Variants in CDH13 observed in about 807,000 individuals in gnomAD.
CDH13 encodes cadherin-13.
CDH13 carries 24 observed loss-of-function variants against 63.8 expected under a neutral mutation model. That is an observed-to-expected ratio of 0.38 (90% confidence interval 0.27 to 0.53). CDH13 has a LOEUF of 0.53. Among genes scored for constraint, CDH13 ranks in the 20% least tolerant of loss-of-function variants. The probability of loss-of-function intolerance (pLI) is 0.85; values close to 1 mark genes in which losing one functional copy is unlikely to be tolerated. For missense variants in CDH13, 1,049 were observed against 903.1 expected (o/e 1.16, Z -2.07); for synonymous variants, 503 against 355.3 (o/e 1.42, Z -4.67).
chr16:83,207,465 CACAT>C (rs1477282191), intron 4 of CDH13, among the ~76,000 whole-genome samples: 1 of 152,202 alleles, frequency 6.6e-6, no homozygotes, highest in Non-Finnish European at 1.5e-5. Context: ...CACATGTAGA[CACAT>C]ACAATCTTTA....
At chr16:83,487,099 A>G (rs2073906859) in intron 7 of CDH13, among the ~76,000 whole-genome samples, 1 of 152,088 alleles carries the variant, frequency 6.6e-6, no homozygotes. Flanking sequence ...TGCTGCAGGC[A>G]TCCTGCATTC....
chr16:83,353,589 C>T lies in CDH13; in HGVS notation c.781+8583C>T, dbSNP rs544061925. ...GAATAACTGTGAAAACAACTCTTTT[C>T]ATTTTTATTTATAGCTCTCTCTCCC... is the stretch of plus-strand genomic sequence containing the variant. On this transcript the variant is annotated intron_variant, in intron 6 of 13. Coordinates refer to ENST00000567109, the MANE Select transcript of CDH13 (RefSeq NM_001257.5). Among the ~76,000 whole-genome samples, 3 of 152,354 alleles carry T rather than the reference C, an allele frequency of 2.0e-5. No homozygotes were observed. In the South Asian group the frequency reaches 6.2e-4, roughly 32 times the overall value.
Position 83,082,593 on chromosome 16 carries a change from A to G in CDH13, c.367-42792A>G, listed in dbSNP as rs142715439. On this transcript the variant is annotated intron_variant, in intron 3 of 13. Coordinates refer to ENST00000567109, the MANE Select transcript of CDH13 (RefSeq NM_001257.5). ...GAGGCAGAGGTTGCAGTGAGCCAAG[A>G]CCATCGTGCCACTGCATTCCAGCCT... Among the ~76,000 whole-genome samples the G allele has an allele frequency of 6.7e-3, 1,023 of 152,250 alleles. 11 individuals are homozygous for G. Among genetic ancestry groups the G allele is most frequent in the African/African-American group, 0.022 (906 of 41,554 alleles).
intron 5 of CDH13, among the ~76,000 whole-genome samples, chr16:83,318,663 C>T (rs2090156768): frequency 6.6e-6 from 1 of 152,138 alleles, no homozygotes; most frequent in Non-Finnish European, 1.5e-5. Flanking sequence ...GTGCACCTTC[C>T]TCCTGTGGCC....
intron 3 of CDH13, among the ~76,000 whole-genome samples, chr16:83,071,483 C>G (rs908230415): frequency 2.0e-5 from 3 of 152,198 alleles, no homozygotes; most frequent in Non-Finnish European, 4.4e-5. Flanking sequence ...AAGGGCCAGA[C>G]CCTTTGCTCT....
At chr16:83,768,287 GT>G (rs1471593599) in intron 11 of CDH13, among the ~76,000 whole-genome samples, 1 of 151,956 alleles carries the variant, frequency 6.6e-6, no homozygotes, top group African/African-American at 2.4e-5. Context: ...AAATCTCAGT[GT>G]TTTTTAGCTA....
intron 6 of CDH13, among the ~76,000 whole-genome samples, chr16:83,404,483 C>G (rs959191544): frequency 6.6e-6 from 1 of 152,176 alleles, no homozygotes; most frequent in South Asian, 2.1e-4. Context: ...TTAAGTGATG[C>G]GTGCAAAATA....
intron 1 of CDH13, among the ~76,000 whole-genome samples, chr16:82,740,326 G>C (rs1185116909): frequency 1.3e-5 from 2 of 152,258 alleles, no homozygotes; most frequent in Admixed American, 1.3e-4. Flanking sequence ...TCTCCATTTG[G>C]TGAAACTGGG....
At chr16:82,898,767 G>A (rs1046688596) in intron 2 of CDH13, among the ~76,000 whole-genome samples, 11 of 152,232 alleles carry the variant, frequency 7.2e-5, no homozygotes, top group African/African-American at 1.4e-4. Flanking sequence ...GGGTGGAGTA[G>A]TGGAGAGAAA....
At chr16:83,679,718 G>C (rs1429426248) in intron 10 of CDH13, among the ~76,000 whole-genome samples, 1 of 152,226 alleles carries the variant, frequency 6.6e-6, no homozygotes, top group East Asian at 1.9e-4. Context: ...AAAACTCGTA[G>C]CTTAACAGAC....
At chr16:83,063,418 A>G (rs1179107346) in intron 3 of CDH13, among the ~76,000 whole-genome samples, 7 of 152,214 alleles carry the variant, frequency 4.6e-5, no homozygotes, top group Admixed American at 3.9e-4. Context: ...GAAGGGAAAT[A>G]GATTCAGCTC....
At chr16:82,677,875 G>A (rs1347848198) in intron 1 of CDH13, among the ~76,000 whole-genome samples, 1 of 152,130 alleles carries the variant, frequency 6.6e-6, no homozygotes, top group Non-Finnish European at 1.5e-5. Flanking sequence ...TAATCCAAGT[G>A]AATTTGGCTT....
intron 7 of CDH13, among the ~76,000 whole-genome samples, chr16:83,506,772 C>G (rs886932532): frequency 2.6e-5 from 4 of 152,198 alleles, no homozygotes; most frequent in South Asian, 2.1e-4. Flanking sequence ...TAGGGAAGCT[C>G]AAGTAGCTTC....
At chr16:83,271,114 C>G (rs557624627) in intron 5 of CDH13, among the ~76,000 whole-genome samples, 2 of 152,068 alleles carry the variant, frequency 1.3e-5, no homozygotes, top group African/African-American at 2.4e-5. Context: ...CTATAATTGC[C>G]TCTTCTTGGA....
intron 7 of CDH13, among the ~76,000 whole-genome samples, chr16:83,587,543 A>G (rs980304787): frequency 3.3e-5 from 5 of 152,188 alleles, no homozygotes; most frequent in Admixed American, 2.6e-4. Context: ...TAAAAGCATT[A>G]CCTTCTGCTG....
At chr16:83,231,288 C>T (rs1015888580) in intron 5 of CDH13, among the ~76,000 whole-genome samples, 4 of 152,170 alleles carry the variant, frequency 2.6e-5, no homozygotes, top group Admixed American at 2.0e-4. Context: ...TGCCTTCCTA[C>T]TGAAGGTCAG....
intron 6 of CDH13, among the ~76,000 whole-genome samples, chr16:83,485,684 G>A (rs7188893): frequency 0.45 from 68,679 of 151,814 alleles, 16,223 homozygotes; most frequent in East Asian, 0.83. Flanking sequence ...GTTCATCTCT[G>A]TATTCATAAT....
At chr16:83,497,255 C>A (rs1001474264) in intron 7 of CDH13, among the ~76,000 whole-genome samples, 1 of 151,836 alleles carries the variant, frequency 6.6e-6, no homozygotes, top group African/African-American at 2.4e-5. Context: ...AGACTTGGAA[C>A]CAACCCAAAT....
intron 2 of CDH13, among the ~76,000 whole-genome samples, chr16:83,028,171 A>T (rs1046974628): frequency 2.0e-5 from 3 of 152,166 alleles, no homozygotes; most frequent in Non-Finnish European, 4.4e-5. Flanking sequence ...ATTTCCTGTG[A>T]GGCCTTGTCA....
Sources: gnomAD v4.1 joint callset for allele counts (sites outside exome capture counted in the v4.1 genomes callset) on GRCh38, gnomAD v4.1.1 for gene constraint, MANE v1.5 for transcripts, NCBI Gene and HGNC (gene_info 2026-07-23, HGNC 2026-07-21) for gene names.